The following UGT1A8 variants were observed in gnomAD, a reference collection of about 807,000 sequenced individuals.
UGT1A8 encodes UDP-glucuronosyltransferase 1A8.
In UGT1A8, 39 loss-of-function variants were observed where a neutral mutation model predicts 45.3. That is an observed-to-expected ratio of 0.86 (90% confidence interval 0.67 to 1.12). UGT1A8 has a LOEUF of 1.12. Among genes scored for constraint, UGT1A8 ranks in the 50% most tolerant of loss-of-function variants. The probability of loss-of-function intolerance (pLI) is 0.00; values close to 1 mark genes in which losing one functional copy is unlikely to be tolerated. For missense variants in UGT1A8, 719 were observed against 664.9 expected, an observed-to-expected ratio of 1.08 and a Z score of -0.90; for synonymous variants, 275 against 249.2, an observed-to-expected ratio of 1.10 and a Z score of -0.97.
intron 1 of UGT1A8, chr2:233,747,599 G>A: frequency 6.3e-7 from 1 of 1,574,950 alleles, no homozygotes; most frequent in Non-Finnish European, 8.7e-7. Flanking sequence ...GGTCTTGTGT[G>A]GAGCTACTGC....
chr2:233,697,324 A>C (rs2075384832), intron 1 of UGT1A8, among the ~76,000 whole-genome samples: 1 of 151,942 alleles, frequency 6.6e-6, no homozygotes, highest in African/African-American at 2.4e-5. Flanking sequence ...TTGTGTTTGG[A>C]AATGTATCCA....
intron 1 of UGT1A8, among the ~76,000 whole-genome samples, chr2:233,670,963 C>G (rs1160221916): frequency 6.6e-6 from 1 of 152,188 alleles, no homozygotes; most frequent in Non-Finnish European, 1.5e-5. Context: ...CCCTTTAAGG[C>G]TTGGAGGCTA....
At chr2:233,693,845 A>C in intron 1 of UGT1A8, 1 of 1,614,152 alleles carries the variant, frequency 6.2e-7, no homozygotes, top group African/African-American at 1.3e-5. Flanking sequence ...CAACTGTAAG[A>C]AGAGGAAAGA....
rs1041521507 is a variant in UGT1A8, at chr2:233,630,672, A to G, written c.855+12110A>G. ...AGGTGATGGAGAGCTGGCATGTCAC[A>G]TGGCAAGAGCAGGAGCAAGAGAGAG... On this transcript the variant is annotated intron_variant, in intron 1 of 4. Coordinates refer to ENST00000373450, the MANE Select transcript of UGT1A8 (RefSeq NM_019076.5). Among the ~76,000 whole-genome samples the G allele has an allele frequency of 5.9e-5, 9 of 152,264 alleles. No individual in the cohort carries two copies. The South Asian group carries it at 1.7e-3, about 28-fold the overall frequency.
chr2:233,725,696 T>A (rs1461246019), intron 1 of UGT1A8, among the ~76,000 whole-genome samples: 1 of 152,258 alleles, frequency 6.6e-6, no homozygotes, highest in African/African-American at 2.4e-5. Context: ...AATAGTCATA[T>A]GTAGTTAGTG....
At chr2:233,666,170 C>T (rs2074072055) in intron 1 of UGT1A8, among the ~76,000 whole-genome samples, 1 of 152,000 alleles carries the variant, frequency 6.6e-6, no homozygotes, top group African/African-American at 2.4e-5. Context: ...GAGGCAGGTG[C>T]CAGGCTTTTT....
rs191037432 is a variant in UGT1A8 at position 233,621,199 on chromosome 2, T to C, written c.855+2637T>C. 2.6e-5 allele frequency among the ~76,000 whole-genome samples: 4 copies of C among 152,274 alleles called. No individual in the cohort carries two copies. In the East Asian group the frequency reaches 7.7e-4, roughly 29 times the overall value. ...TAAACTTTTAAACTTTATCTTTTGG[T>C]ATGGTCATTGTTTTACATTTCAGTA... On this transcript the variant is annotated intron_variant, in intron 1 of 4. Coordinates refer to ENST00000373450, the MANE Select transcript of UGT1A8 (RefSeq NM_019076.5).
At chr2:233,760,184 G>A in intron 1 of UGT1A8, 1 of 1,553,564 alleles carries the variant, frequency 6.4e-7, no homozygotes, top group Non-Finnish European at 8.7e-7. Flanking sequence ...GCTTTTTATA[G>A]TCACGTGACA....
chr2:233,690,825 C>G, intron 1 of UGT1A8: 1 of 1,064,826 alleles, frequency 9.4e-7, no homozygotes, highest in Non-Finnish European at 1.1e-6. Context: ...TCAAAGCTCA[C>G]AGGAGAAAGA....
At chr2:233,674,613 C>T (rs1266868243) in intron 1 of UGT1A8, among the ~76,000 whole-genome samples, 1 of 151,192 alleles carries the variant, frequency 6.6e-6, no homozygotes, top group Non-Finnish European at 1.5e-5. Context: ...AAACATCAAA[C>T]TATATATGGT....
chr2:233,620,377 A>G (rs960142888), intron 1 of UGT1A8, among the ~76,000 whole-genome samples: 2 of 152,114 alleles, frequency 1.3e-5, no homozygotes, highest in East Asian at 3.9e-4. Context: ...CCTGCACCCT[A>G]CACCCTTTGG....
intron 1 of UGT1A8, among the ~76,000 whole-genome samples, chr2:233,683,208 A>G (rs1430316292): frequency 6.6e-6 from 1 of 152,056 alleles, no homozygotes; most frequent in Non-Finnish European, 1.5e-5. Flanking sequence ...TGTCACTTCT[A>G]TTTTATCAAT....
At chr2:233,644,034 G>C (rs1033734686) in intron 1 of UGT1A8, among the ~76,000 whole-genome samples, 10 of 152,134 alleles carry the variant, frequency 6.6e-5, no homozygotes, top group African/African-American at 2.4e-4. Context: ...AGTGATGTCG[G>C]TACTCCCTTG....
Position 233,747,423 on chromosome 2 carries a change from C to G in UGT1A8, c.856-19611C>G, listed in dbSNP as rs561242685. On this transcript the variant is annotated intron_variant, in intron 1 of 4. Transcript: ENST00000373450. ...CCCAGAGGTGAATATGCACATCAAACAAGAGAAATTTTTCACCCTGACAAC... is the reference window on the plus strand; with the variant it reads ...CCCAGAGGTGAATATGCACATCAAAGAAGAGAAATTTTTCACCCTGACAAC... 6.8e-5 allele frequency: 110 copies of G among 1,608,258 alleles called. 1 individual carries two copies. The highest frequency in any genetic ancestry group is 8.9e-5 in the East Asian group (4 of 44,854).
At chr2:233,703,813 C>A (rs1224901765) in intron 1 of UGT1A8, among the ~76,000 whole-genome samples, 1 of 146,756 alleles carries the variant, frequency 6.8e-6, no homozygotes, top group Non-Finnish European at 1.5e-5. Context: ...TAATCTCTGT[C>A]TTTTAATTGA....
intron 1 of UGT1A8, among the ~76,000 whole-genome samples, chr2:233,739,458 G>A (rs183243418): frequency 1.3e-5 from 2 of 152,366 alleles, no homozygotes; most frequent in Non-Finnish European, 2.9e-5. Context: ...CAGGGTTGGA[G>A]CTGCCTGAGA....
At chr2:233,686,962 G>A (rs1223921259) in intron 1 of UGT1A8, among the ~76,000 whole-genome samples, 1 of 152,160 alleles carries the variant, frequency 6.6e-6, no homozygotes, top group Non-Finnish European at 1.5e-5. Context: ...TAATTAATTA[G>A]CAAGGCAGGG....
intron 1 of UGT1A8, among the ~76,000 whole-genome samples, chr2:233,672,948 G>A (rs982325305): frequency 1.3e-5 from 2 of 152,152 alleles, no homozygotes; most frequent in Non-Finnish European, 2.9e-5. Context: ...CTCGTCAGTA[G>A]CAAATTTTAT....
chr2:233,629,935 CTTAACAT>C (rs2073157334), intron 1 of UGT1A8, among the ~76,000 whole-genome samples: 1 of 152,000 alleles, frequency 6.6e-6, no homozygotes, highest in African/African-American at 2.4e-5. Flanking sequence ...ATGTTATTCT[CTTAACAT>C]TTTAACATCT....
Sources: gnomAD v4.1 joint callset for allele counts (sites outside exome capture counted in the v4.1 genomes callset) on GRCh38, gnomAD v4.1.1 for gene constraint, MANE v1.5 for transcripts, NCBI Gene and HGNC (gene_info 2026-07-23, HGNC 2026-07-21) for gene names.